Variants in ATRNL1 observed in about 807,000 individuals in gnomAD.
The protein encoded by ATRNL1 is attractin like 1, also known as attractin-like protein 1.
Under a neutral mutation model 182.7 loss-of-function variants are expected in ATRNL1, and 95 were observed. That is an observed-to-expected ratio of 0.52 (90% CI 0.44 to 0.62). The LOEUF is 0.62. ATRNL1 is among the 20% of genes least tolerant of loss of function. The pLI, the probability that ATRNL1 is intolerant of heterozygous loss-of-function variation, is 0.00. For missense variants in ATRNL1, 1,471 were observed against 1,679.5 expected (o/e 0.88, Z 2.17); for synonymous variants, 576 against 568.3 (o/e 1.01, Z -0.19).
At chr10:115,664,743 A>G (rs1171023809) in intron 26 of ATRNL1, among the ~76,000 whole-genome samples, 1 of 152,088 alleles carries the variant, frequency 6.6e-6, no homozygotes, top group Non-Finnish European at 1.5e-5. Context: ...AAAAAAATCA[A>G]TATTTTTTTT....
chr10:115,669,578 C>T (rs1330167944), intron 26 of ATRNL1, among the ~76,000 whole-genome samples: 1 of 152,082 alleles, frequency 6.6e-6, no homozygotes, highest in Non-Finnish European at 1.5e-5. Flanking sequence ...TTGTGAACTA[C>T]AGTGACTTTT....
At chr10:115,757,128 T>A (rs562912306) in intron 27 of ATRNL1, among the ~76,000 whole-genome samples, 6 of 152,330 alleles carry the variant, frequency 3.9e-5, no homozygotes, top group Non-Finnish European at 8.8e-5. Flanking sequence ...CCAGTCTGTG[T>A]CTTTTAATTA....
At chr10:115,657,468 A>G (rs1555036329) in intron 26 of ATRNL1, among the ~76,000 whole-genome samples, 2 of 152,220 alleles carry the variant, frequency 1.3e-5, no homozygotes, top group African/African-American at 2.4e-5. Flanking sequence ...TGGCAGTTGC[A>G]TTCTTGAAAA....
Position 115,267,094 on chromosome 10 carries a change from G to A in ATRNL1, c.1981+89G>A. On this transcript the variant is annotated intron_variant, in intron 12 of 28. Coordinates refer to ENST00000355044, the MANE Select transcript of ATRNL1 (RefSeq NM_207303.4). ...TCTTCTGCTTATAAGAATTACTTTA[G>A]TAGCTACAGAAATGAAAAATTTGTA... The A allele has an allele frequency of 4.4e-6, 4 of 899,892 alleles. 1 individual carries two copies. The South Asian group carries it at 5.2e-5, about 12-fold the overall frequency. 55.7% of individuals were successfully genotyped at this position (899,892 alleles called of 1,614,324 possible).
chr10:115,751,055 G>A (rs782159032), intron 27 of ATRNL1, among the ~76,000 whole-genome samples: 2 of 151,990 alleles, frequency 1.3e-5, no homozygotes, highest in Non-Finnish European at 2.9e-5. Flanking sequence ...GATTATGAGA[G>A]ATGAAGATTA....
At chr10:115,481,228 T>C (rs1848749892) in intron 24 of ATRNL1, among the ~76,000 whole-genome samples, 1 of 150,416 alleles carries the variant, frequency 6.6e-6, no homozygotes, top group Non-Finnish European at 1.5e-5. Flanking sequence ...ATGTTTTTAA[T>C]ACTATAAGAA....
intron 9 of ATRNL1, among the ~76,000 whole-genome samples, chr10:115,231,495 C>A (rs893770035): frequency 1.3e-5 from 2 of 151,972 alleles, no homozygotes; most frequent in Non-Finnish European, 2.9e-5. Flanking sequence ...AACAGGGTAA[C>A]AAGTGGTAAG....
chr10:115,393,717 AC>A (rs1844147922), intron 19 of ATRNL1, among the ~76,000 whole-genome samples: 1 of 152,130 alleles, frequency 6.6e-6, no homozygotes, highest in Non-Finnish European at 1.5e-5. Flanking sequence ...GGATGACAAT[AC>A]TTTGTGGTGG....
chr10:115,876,444 C>A (rs1951702532), intron 28 of ATRNL1, among the ~76,000 whole-genome samples: 1 of 152,020 alleles, frequency 6.6e-6, no homozygotes, highest in Non-Finnish European at 1.5e-5. Flanking sequence ...ATGAAGATAC[C>A]CACATACCTA....
chr10:115,743,649 G>A (rs1948205924), intron 27 of ATRNL1, among the ~76,000 whole-genome samples: 1 of 152,070 alleles, frequency 6.6e-6, no homozygotes, highest in South Asian at 2.1e-4. Context: ...AAATATTTGA[G>A]TTACAAAGTA....
rs992278080 is a variant in ATRNL1 at position 115,782,170 on chromosome 10, G to C, written c.3903+54815G>C. ...GTATGTAAGGAGGCCATATGCCACAGAGCCCAGATGTTCTTGAACCAGTAA... is the reference window on the plus strand; with the variant it reads ...GTATGTAAGGAGGCCATATGCCACACAGCCCAGATGTTCTTGAACCAGTAA... On this transcript the variant is annotated intron_variant, in intron 27 of 28. Transcript: ENST00000355044. 5.9e-5 allele frequency among the ~76,000 whole-genome samples: 9 copies of C among 152,294 alleles called. No homozygotes were observed. The Middle Eastern group carries it at 0.01, about 173-fold the overall frequency.
intron 26 of ATRNL1, among the ~76,000 whole-genome samples, chr10:115,581,959 T>A (rs1434624420): frequency 7.0e-6 from 1 of 142,924 alleles, no homozygotes; most frequent in Non-Finnish European, 1.5e-5. Flanking sequence ...GTGATCTCAT[T>A]GTTCAATTCC....
At chr10:115,586,686 G>T (rs1244476911) in intron 26 of ATRNL1, among the ~76,000 whole-genome samples, 2 of 120,012 alleles carry the variant, frequency 1.7e-5, no homozygotes, top group Admixed American at 9.6e-5. Flanking sequence ...CAACTTCTTT[G>T]CCTTTGGTTT....
At chr10:115,237,660 C>T (rs1850243510) in intron 9 of ATRNL1, among the ~76,000 whole-genome samples, 1 of 152,086 alleles carries the variant, frequency 6.6e-6, no homozygotes, top group South Asian at 2.1e-4. Flanking sequence ...ATATGTTCTC[C>T]CAGACTGTGG....
chr10:115,475,058 G>A (rs1426557184), intron 24 of ATRNL1, among the ~76,000 whole-genome samples: 1 of 151,322 alleles, frequency 6.6e-6, no homozygotes, highest in Non-Finnish European at 1.5e-5. Flanking sequence ...ATTGTCTATA[G>A]TATTTTCAGT....
intron 26 of ATRNL1, among the ~76,000 whole-genome samples, chr10:115,645,100 GTAGTT>G (rs1477119502): frequency 2.0e-5 from 3 of 152,116 alleles, no homozygotes; most frequent in Admixed American, 1.3e-4. Context: ...ACAAGCTGAA[GTAGTT>G]TATTTTTCGA....
chr10:115,149,593 G>T (rs1322433490), intron 5 of ATRNL1, among the ~76,000 whole-genome samples: 1 of 152,070 alleles, frequency 6.6e-6, no homozygotes, highest in Non-Finnish European at 1.5e-5. Context: ...CTCTTGAGAT[G>T]ATAATATGGT....
intron 27 of ATRNL1, among the ~76,000 whole-genome samples, chr10:115,736,241 T>G (rs1396306096): frequency 6.6e-6 from 1 of 152,198 alleles, no homozygotes; most frequent in Non-Finnish European, 1.5e-5. Context: ...TTCTTTTGGC[T>G]TATTCCGAAC....
At chr10:115,194,619 T>G (rs1848290215) in intron 8 of ATRNL1, among the ~76,000 whole-genome samples, 1 of 151,854 alleles carries the variant, frequency 6.6e-6, no homozygotes, top group Non-Finnish European at 1.5e-5. Context: ...CTAGGCAGCA[T>G]GTAGTGGGGT....
Sources: allele counts gnomAD v4.1 joint callset (sites outside exome capture counted in the v4.1 genomes callset), GRCh38; gene constraint gnomAD v4.1.1; transcripts MANE v1.5; gene names NCBI Gene and HGNC (gene_info 2026-07-23, HGNC 2026-07-21).